The following ZC3HAV1 variants were observed in gnomAD, a reference collection of about 807,000 sequenced individuals.
ZC3HAV1 encodes zinc finger CCCH-type antiviral protein 1.
Under a neutral mutation model 86.6 loss-of-function variants are expected in ZC3HAV1, and 41 were observed. The observed-to-expected ratio is 0.47, with a 90% CI of 0.37 to 0.61. ZC3HAV1 has a LOEUF of 0.61. Ranked by LOEUF, ZC3HAV1 falls within the 20% of genes least tolerant of loss-of-function variation. ZC3HAV1 has a pLI of 0.00. For missense variants in ZC3HAV1, 964 were observed against 1,141.1 expected (o/e 0.84, Z 2.24); for synonymous variants, 421 against 432.1 (o/e 0.97, Z 0.32).
intron 3 of ZC3HAV1, among the ~76,000 whole-genome samples, chr7:139,082,217 C>T (rs1295673883): frequency 1.3e-5 from 2 of 151,736 alleles, no homozygotes; most frequent in East Asian, 1.9e-4. Flanking sequence ...TGCAGTGAGC[C>T]GAGGTCGCAC....
At chr7:139,068,238 T>C (rs1816665987) in intron 7 of ZC3HAV1, among the ~76,000 whole-genome samples, 1 of 152,020 alleles carries the variant, frequency 6.6e-6, no homozygotes. Flanking sequence ...TCTTGTATTT[T>C]TAGTAGAGAC....
intron 11 of ZC3HAV1, 67 bp from the exon 12 acceptor site, chr7:139,053,648 C>A: frequency 6.7e-7 from 1 of 1,496,268 alleles, no homozygotes; most frequent in Non-Finnish European, 8.9e-7. Context: ...TAACATTAAT[C>A]CCAGCTAAAG....
rs1400308750 is a variant in ZC3HAV1, at chr7:139,057,688, G to T, written c.2097-2393C>A. ...CGAGTAGCTGGGACTACAGGCGCCC[G>T]CCACCACGCCCGGCTAATTTTTTTG... On this transcript the variant is annotated intron_variant, in intron 9 of 12. Transcript: ENST00000242351. Among the ~76,000 whole-genome samples the T allele has an allele frequency of 1.1e-4, 9 of 79,086 alleles. 3 individuals are homozygous for T. Among genetic ancestry groups the T allele is most frequent in the African/African-American group, 1.8e-4 (3 of 16,908 alleles). 51.9% of individuals were successfully genotyped at this position (79,086 alleles called of 152,430 possible).
chr7:139,074,345 C>A (rs918552390), intron 6 of ZC3HAV1, among the ~76,000 whole-genome samples: 7 of 152,110 alleles, frequency 4.6e-5, no homozygotes, highest in African/African-American at 1.7e-4. Context: ...CGCATTTGGT[C>A]CATTTTTAAA....
Position 139,044,710 on chromosome 7 carries a change from TC to T in ZC3HAV1, c.*2883del, listed in dbSNP as rs1815909614. ...AACATCTTGCAATACATTGGACAGT[TC>T]CTCACAATAAGAAATTACTCTGCAC... On this transcript the variant is annotated 3_prime_UTR_variant, in exon 13 of 13. Coordinates refer to ENST00000242351, the MANE Select transcript of ZC3HAV1 (RefSeq NM_020119.4). 6.6e-6 allele frequency: 1 copy of T among 152,532 alleles called. No individual in the cohort carries two copies. The highest frequency in any genetic ancestry group is 2.4e-5 in the African/African-American group (1 of 41,384). The allele number at this position is 152,532 out of a possible 1,614,324, so 9.4% of individuals were successfully genotyped here.
rs146565146 is a variant in ZC3HAV1, at chr7:139,080,155, C to T, written c.786G>A (p.Ala262=). The change falls in exon 4 of 13, where the codon GCG becomes GCA. Residue 262 remains alanine, a synonymous_variant. Coordinates refer to ENST00000242351, the MANE Select transcript of ZC3HAV1 (RefSeq NM_020119.4). ...ACCTCTCAGCAGACGCTGAAGCAGA[C>T]GCAAGAAATTCTTGGCTGCCCTGAA... ...RFFQGSQEFL[A]SASASAERSC... 188 of 1,614,026 alleles carry T rather than the reference C, an allele frequency of 1.2e-4. No homozygotes were observed. The highest frequency in any genetic ancestry group is 1.5e-4 in the Non-Finnish European group (173 of 1,180,034).
Position 139,079,922 on chromosome 7 carries a change from A to G in ZC3HAV1, c.1019T>C (p.Leu340Ser). The G allele has an allele frequency of 6.2e-7, 1 of 1,614,158 alleles. No homozygotes were observed. Residue 340 changes from leucine (L) to serine (S), a missense_variant, in exon 4 of 13, where the codon TTG becomes TCG. By Grantham distance (145) the Leu-to-Ser change is moderately radical. Transcript: ENST00000242351. ...GTAAGTGCTGCCTGGATTTCCATGCAAGAGGTCCTCTTGACTGCCGTTCTC... is the reference window on the plus strand; with the variant it reads ...GTAAGTGCTGCCTGGATTTCCATGCGAGAGGTCCTCTTGACTGCCGTTCTC... ...FLENGSQEDL[L>S]HGNPGSTYLA...
intron 7 of ZC3HAV1, 127 bp from the exon 8 acceptor site, chr7:139,065,126 A>G: frequency 7.9e-7 from 1 of 1,267,510 alleles, no homozygotes; most frequent in Non-Finnish European, 1.1e-6. Flanking sequence ...CAGATTGTAA[A>G]AGCTTCCAGC....
intron 3 of ZC3HAV1, among the ~76,000 whole-genome samples, chr7:139,083,442 C>A (rs189907106): frequency 6.5e-4 from 99 of 152,234 alleles, no homozygotes; most frequent in African/African-American, 2.1e-3. Flanking sequence ...AAAGTTCACA[C>A]AATTGGCCGG....
rs182726095 is a variant in ZC3HAV1, at chr7:139,044,047, A to T, written c.*3547T>A. 38 of 152,338 alleles carry T rather than the reference A, an allele frequency of 2.5e-4. No homozygotes were observed. Among genetic ancestry groups the T allele is most frequent in the Admixed American group, 2.2e-3 (33 of 15,294 alleles). The allele number at this position is 152,338 out of a possible 1,614,324, so 9.4% of individuals were successfully genotyped here. On this transcript the variant is annotated 3_prime_UTR_variant, in exon 13 of 13. Coordinates refer to ENST00000242351, the MANE Select transcript of ZC3HAV1 (RefSeq NM_020119.4). ...TGTGGGTTAGTGCCACACAACGAAGAATTATTCTGTACCCTGTACGACTGT... is the reference window on the plus strand; with the variant it reads ...TGTGGGTTAGTGCCACACAACGAAGTATTATTCTGTACCCTGTACGACTGT...
Position 139,089,511 on chromosome 7 carries a change from C to T in ZC3HAV1, c.444+113G>A, listed in dbSNP as rs934338497. ...CACTCAATAACAGCCTCGACTACCA[C>T]CTGCAGAACCCTGGCATTAATTTTG... On this transcript the variant is annotated intron_variant, in intron 2 of 12. Coordinates refer to ENST00000242351, the MANE Select transcript of ZC3HAV1 (RefSeq NM_020119.4). 33 of 1,342,242 alleles carry T rather than the reference C, an allele frequency of 2.5e-5. No homozygotes were observed. In the African/African-American group the frequency reaches 4.7e-4, roughly 19 times the overall value. 83.1% of individuals were successfully genotyped at this position (1,342,242 alleles called of 1,614,324 possible).
At chr7:139,057,562 G>A (rs1456460704) in intron 9 of ZC3HAV1, among the ~76,000 whole-genome samples, 2 of 17,888 alleles carry the variant, frequency 1.1e-4, no homozygotes, top group Admixed American at 5.6e-4. Flanking sequence ...TTTTTGAGAC[G>A]GAGTCTCCCT....
At chr7:139,088,631 C>T (rs928944833) in intron 2 of ZC3HAV1, among the ~76,000 whole-genome samples, 1 of 152,126 alleles carries the variant, frequency 6.6e-6, no homozygotes, top group African/African-American at 2.4e-5. Flanking sequence ...CTCAGGCTAC[C>T]CCCCTGTCCA....
intron 6 of ZC3HAV1, 131 bp from the exon 7 acceptor site, chr7:139,074,161 G>T: frequency 2.4e-6 from 2 of 823,976 alleles, no homozygotes; most frequent in Non-Finnish European, 3.6e-6. Flanking sequence ...TCTTTCCATG[G>T]CTCCAGGTCC....
At chr7:139,101,485 C>T (rs1223620079) in intron 1 of ZC3HAV1, among the ~76,000 whole-genome samples, 4 of 107,672 alleles carry the variant, frequency 3.7e-5, no homozygotes, top group African/African-American at 1.1e-4. Context: ...AGCGCCTCAG[C>T]CCGGCCACCA....
intron 3 of ZC3HAV1, 54 bp downstream of exon 3, chr7:139,083,726 C>CA (rs34732980): frequency 0.16 from 201,529 of 1,297,218 alleles, 4,106 homozygotes; most frequent in East Asian, 0.37. Context: ...GACTCTGTCT[C>CA]AAAAAAAAAA....
chr7:139,084,184 G>A (rs1484357646), intron 2 of ZC3HAV1, 152 bp from the exon 3 acceptor site: 4 of 1,099,832 alleles, frequency 3.6e-6, no homozygotes, highest in Admixed American at 5.3e-5. Flanking sequence ...AGTCTTTGAT[G>A]AGTCACATTC....
intron 9 of ZC3HAV1, chr7:139,060,786 C>T: frequency 7.4e-7 from 1 of 1,359,618 alleles, no homozygotes; most frequent in South Asian, 1.4e-5. Flanking sequence ...AGCTAAAGCC[C>T]AGAGTATTTA....
intron 9 of ZC3HAV1, among the ~76,000 whole-genome samples, 177 bp from the exon 10 acceptor site, chr7:139,055,472 T>C (rs1462769203): frequency 6.6e-6 from 1 of 152,242 alleles, no homozygotes; most frequent in Admixed American, 6.5e-5. Context: ...CCAGTAATCA[T>C]GTCTTTTAAA....
Sources: allele counts gnomAD v4.1 joint callset (sites outside exome capture counted in the v4.1 genomes callset), GRCh38; gene constraint gnomAD v4.1.1; transcripts MANE v1.5; gene names NCBI Gene and HGNC (gene_info 2026-07-23, HGNC 2026-07-21).